Variants in DNAH6 observed in about 807,000 individuals in gnomAD.
DNAH6 encodes the protein dynein axonemal heavy chain 6.
Under a neutral mutation model 491.4 loss-of-function variants are expected in DNAH6, and 340 were observed. The ratio of observed to expected loss-of-function variants is 0.69; its 90% CI spans 0.63 to 0.76. The LOEUF is 0.76. Ranked by LOEUF, DNAH6 falls within the 30% of genes least tolerant of loss-of-function variation. DNAH6 has a pLI of 0.00. For missense variants in DNAH6, 4,443 were observed against 4,972.2 expected, an observed-to-expected ratio of 0.89 and a Z score of 3.20; for synonymous variants, 1,603 against 1,686.1, an observed-to-expected ratio of 0.95 and a Z score of 1.21.
At chr2:84,738,173 T>C (rs1009693127) in intron 62 of DNAH6, among the ~76,000 whole-genome samples, 4 of 152,196 alleles carry the variant, frequency 2.6e-5, no homozygotes, top group Non-Finnish European at 5.9e-5. Context: ...ATCTTCTGTG[T>C]ATTGATTTCT....
At chr2:84,500,491 C>T in the DNAH6 span, among the ~76,000 whole-genome samples, 4 of 152,108 alleles carry the variant, frequency 2.6e-5, no homozygotes, top group African/African-American at 9.7e-5. Flanking sequence ...TCTTTTTGCT[C>T]AGGATAGCTT....
chr2:84,731,965 A>C (rs1391470137), intron 61 of DNAH6, among the ~76,000 whole-genome samples: 1 of 152,218 alleles, frequency 6.6e-6, no homozygotes, highest in Non-Finnish European at 1.5e-5. Context: ...TAACAGCTAG[A>C]TGCAGTCAGG....
In DNAH6 at chr2:84,630,271, C is replaced by G. The variant is rs564980049; in HGVS notation, c.4516-4233C>G. Reference sequence around the variant, plus strand: ...CCATCATTGCTAAAACCACTAAAGACTAATTGGAAAATTTATAATGGACGA... The same window carrying G: ...CCATCATTGCTAAAACCACTAAAGAGTAATTGGAAAATTTATAATGGACGA... On this transcript the variant is annotated intron_variant, in intron 29 of 76. Transcript: ENST00000389394. 4.6e-5 allele frequency among the ~76,000 whole-genome samples: 7 copies of G among 152,208 alleles called. No homozygotes were observed. In the South Asian group the frequency reaches 1.0e-3, roughly 23 times the overall value.
rs1558773560 is a variant in DNAH6, at chr2:84,598,100, TGGAAC to T, written c.2868+2312_2868+2316del. On this transcript the variant is annotated intron_variant, in intron 18 of 76. Transcript: ENST00000389394. ...GAGAAAGTGAACTCGTGGTTACTCG[TGGAAC>T]TCGTGGTTCTTTCTATCTTTCTTTT... 1.3e-3 allele frequency among the ~76,000 whole-genome samples: 192 copies of T among 145,500 alleles called. 1 individual carries two copies. Among genetic ancestry groups the T allele is most frequent in the African/African-American group, 5.3e-3 (185 of 35,110 alleles).
Position 84,624,591 on chromosome 2 carries a change from T to C in DNAH6, c.4324T>C (p.Cys1442Arg). 1 of 1,551,598 alleles carries C rather than the reference T, an allele frequency of 6.4e-7. No individual in the cohort carries two copies. The highest frequency in any genetic ancestry group is 1.7e-4 in the Middle Eastern group (1 of 5,988). ...YTYGYEYLGA[C>R]PRLVITPLTD... ...TTATGGCTATGAATATTTGGGTGCA[T>C]GCCCAAGATTGGTTATTACTCCACT... The change falls in exon 28 of 77, where the codon TGC (cysteine) becomes CGC (arginine). Residue 1442 changes from cysteine (C) to arginine (R), a missense_variant. Physicochemically the swap from Cys to Arg is radical, Grantham distance 180. Transcript: ENST00000389394.
chr2:84,608,247 T>G (rs1005462652), intron 21 of DNAH6, among the ~76,000 whole-genome samples: 7 of 152,272 alleles, frequency 4.6e-5, no homozygotes, highest in African/African-American at 1.7e-4. Flanking sequence ...CTCAAAGTCA[T>G]CTATAAGGGT....
intron 62 of DNAH6, among the ~76,000 whole-genome samples, chr2:84,741,671 C>T (rs953800358): frequency 4.6e-5 from 7 of 152,112 alleles, no homozygotes; most frequent in Non-Finnish European, 1.0e-4. Flanking sequence ...TGAGTGTGCC[C>T]GTTCTCCCCT....
rs547794562 is a variant in DNAH6 at position 84,665,151 on chromosome 2, G to A, written c.6085-4138G>A. On this transcript the variant is annotated intron_variant, in intron 37 of 76. Transcript: ENST00000389394. ...AATGCCCACAAGAGAAAGCAGGAAAGATCTAAAATTGACACCCTAGCATCA... is the reference window on the plus strand; with the variant it reads ...AATGCCCACAAGAGAAAGCAGGAAAAATCTAAAATTGACACCCTAGCATCA... 1.2e-4 allele frequency among the ~76,000 whole-genome samples: 18 copies of A among 152,278 alleles called. No individual in the cohort carries two copies. In the South Asian group the frequency reaches 3.7e-3, roughly 32 times the overall value.
chr2:84,775,092 A>C (rs930676788), intron 64 of DNAH6, among the ~76,000 whole-genome samples: 5 of 152,168 alleles, frequency 3.3e-5, no homozygotes, highest in Non-Finnish European at 7.4e-5. Flanking sequence ...CCAGTTCTCA[A>C]GGAGAATGGT....
At chr2:84,511,013 C>T in the DNAH6 span, among the ~76,000 whole-genome samples, 88 of 152,270 alleles carry the variant, frequency 5.8e-4, 1 homozygote, top group Admixed American at 5.2e-3. Flanking sequence ...TTGGGCTACT[C>T]GGGGGTCAGG....
At chr2:84,703,738 T>A (rs1696163255) in intron 50 of DNAH6, among the ~76,000 whole-genome samples, 176 bp downstream of exon 50, 1 of 151,852 alleles carries the variant, frequency 6.6e-6, no homozygotes, top group Admixed American at 6.6e-5. Context: ...TTGTAAACAA[T>A]CTCCCTTTAC....
At chr2:84,812,559 A>C in intron 73 of DNAH6, 33 bp downstream of exon 73, 1 of 1,530,366 alleles carries the variant, frequency 6.5e-7, no homozygotes, top group Non-Finnish European at 8.8e-7. Flanking sequence ...GTTTTGATGA[A>C]TCTGATGGCA....
chr2:84,596,830 C>T (rs1684640177), intron 18 of DNAH6, among the ~76,000 whole-genome samples: 1 of 152,110 alleles, frequency 6.6e-6, no homozygotes, highest in South Asian at 2.1e-4. Context: ...CAGCTTCTTT[C>T]TTTATTGCCT....
At chr2:84,631,914 A>G (rs1410583588) in intron 29 of DNAH6, among the ~76,000 whole-genome samples, 3 of 152,242 alleles carry the variant, frequency 2.0e-5, no homozygotes, top group Non-Finnish European at 4.4e-5. Context: ...ATTTTCTAAC[A>G]TAAGCCCAAA....
rs1426784841 is a variant in DNAH6, at chr2:84,659,045, C to G, written c.5960C>G (p.Thr1987Ser). 6.9e-7 allele frequency: 1 copy of G among 1,455,670 alleles called. No individual in the cohort carries two copies. The highest frequency in any genetic ancestry group is 1.4e-5 in the African/African-American group (1 of 70,272). 90.2% of individuals were successfully genotyped at this position (1,455,670 alleles called of 1,614,324 possible). ...TTTCAGGAACAAACAAAATTGAACA[C>G]TATACTATGTCAGACTTTTGTATTC... ...NLAMEQTKLN[T>S]ILCQTFVFCY... Residue 1987 changes from threonine to serine, a missense_variant, in exon 37 of 77, where the codon ACT becomes AGT. Thr to Ser is a moderately conservative substitution (Grantham distance 58). Coordinates refer to ENST00000389394, the MANE Select transcript of DNAH6 (RefSeq NM_001370.2).
intron 18 of DNAH6, among the ~76,000 whole-genome samples, chr2:84,601,086 T>C (rs1685201738): frequency 7.3e-6 from 1 of 136,476 alleles, no homozygotes; most frequent in African/African-American, 3.4e-5. Flanking sequence ...CTTGTAGAAA[T>C]GGCTGATTAT....
intron 39 of DNAH6, 123 bp from the exon 40 acceptor site, chr2:84,672,204 C>A: frequency 2.0e-6 from 2 of 978,308 alleles, no homozygotes; most frequent in Non-Finnish European, 2.9e-6. Context: ...CCAGGCAGGA[C>A]TCAGAACTGA....
intron 15 of DNAH6, 138 bp downstream of exon 15, chr2:84,584,388 G>A (rs1037108641): frequency 2.2e-6 from 2 of 899,220 alleles, no homozygotes; most frequent in South Asian, 3.7e-5. Flanking sequence ...CGTATACATT[G>A]TGAAATTGTT....
At chr2:84,517,623 A>G (rs1675720584) in intron 1 of DNAH6, among the ~76,000 whole-genome samples, 196 bp from the exon 2 acceptor site, 1 of 152,158 alleles carries the variant, frequency 6.6e-6, no homozygotes, top group Non-Finnish European at 1.5e-5. Context: ...CTTGAAGCCT[A>G]GGCACAGTTT....
Sources: gnomAD v4.1 joint callset for allele counts (sites outside exome capture counted in the v4.1 genomes callset) on GRCh38, gnomAD v4.1.1 for gene constraint, MANE v1.5 for transcripts, NCBI Gene and HGNC (gene_info 2026-07-23, HGNC 2026-07-21) for gene names.